PRKAR1B: variants seen among roughly 807,000 people sequenced by gnomAD.
PRKAR1B encodes the protein cAMP-dependent protein kinase type I-beta regulatory subunit.
In PRKAR1B, 22 loss-of-function variants were observed where a neutral mutation model predicts 46.5. The ratio of observed to expected loss-of-function variants is 0.47; its 90% confidence interval spans 0.34 to 0.68. The LOEUF (loss-of-function observed/expected upper bound fraction) is 0.68. PRKAR1B is among the 30% of genes least tolerant of loss of function. The probability of loss-of-function intolerance (pLI) is 0.01; values close to 1 mark genes in which losing one functional copy is unlikely to be tolerated. For synonymous variants in PRKAR1B, 259 were observed against 217.7 expected, an observed-to-expected ratio of 1.19 and a Z score of -1.67; for missense variants, 445 against 535.6, an observed-to-expected ratio of 0.83 and a Z score of 1.67.
At chr7:710,858 G>A (rs986480978) in intron 2 of PRKAR1B, among the ~76,000 whole-genome samples, 1 of 152,038 alleles carries the variant, frequency 6.6e-6, no homozygotes, top group Admixed American at 6.6e-5. Context: ...TGGCCAGGCT[G>A]GTCTCGAACT....
intron 2 of PRKAR1B, among the ~76,000 whole-genome samples, chr7:704,061 T>C (rs1193596477): frequency 6.6e-6 from 1 of 152,114 alleles, no homozygotes; most frequent in East Asian, 1.9e-4. Context: ...GAAATATAGT[T>C]AGAACAGTGC....
At chr7:617,821 G>A (rs943857167) in intron 4 of PRKAR1B, among the ~76,000 whole-genome samples, 1 of 152,176 alleles carries the variant, frequency 6.6e-6, no homozygotes, top group Non-Finnish European at 1.5e-5. Flanking sequence ...AACCCCTCCT[G>A]GGCCCCGCGT....
intron 2 of PRKAR1B, among the ~76,000 whole-genome samples, chr7:704,639 G>A (rs1271592059): frequency 6.6e-6 from 1 of 152,026 alleles, no homozygotes. Context: ...AGCCAGGCGC[G>A]ATGCCTGTAA....
At chr7:569,501 C>A (rs976975786) in intron 9 of PRKAR1B, among the ~76,000 whole-genome samples, 4 of 152,268 alleles carry the variant, frequency 2.6e-5, no homozygotes, top group Non-Finnish European at 5.9e-5. Context: ...GCCCGGGACA[C>A]AGCCCGTTGT....
chr7:604,571 C>T (rs181923397), intron 6 of PRKAR1B, among the ~76,000 whole-genome samples: 3 of 152,340 alleles, frequency 2.0e-5, no homozygotes, highest in East Asian at 1.9e-4. Context: ...GCCCGAGGCA[C>T]GTGCCCCCCA....
At chr7:562,195 G>T (rs1378218972) in intron 9 of PRKAR1B, among the ~76,000 whole-genome samples, 2 of 150,858 alleles carry the variant, frequency 1.3e-5, no homozygotes, top group African/African-American at 4.9e-5. Context: ...AGGTTCCGGG[G>T]AACCAGGGCG....
At chr7:583,658 G>C (rs1780414410) in intron 8 of PRKAR1B, among the ~76,000 whole-genome samples, 1 of 119,260 alleles carries the variant, frequency 8.4e-6, no homozygotes, top group African/African-American at 3.6e-5. Flanking sequence ...GCACACCCAT[G>C]CGCACACACC....
chr7:717,011 C>G (rs1229718077), intron 1 of PRKAR1B, among the ~76,000 whole-genome samples: 1 of 152,164 alleles, frequency 6.6e-6, no homozygotes, highest in Non-Finnish European at 1.5e-5. Flanking sequence ...TATTCTCCAG[C>G]CGGGCGCAGT....
At chr7:580,278 G>T (rs1583238654) in intron 8 of PRKAR1B, among the ~76,000 whole-genome samples, 1 of 151,576 alleles carries the variant, frequency 6.6e-6, no homozygotes, top group African/African-American at 2.4e-5. Context: ...AACTGGCCGG[G>T]TGCAGTGGCT....
At chr7:577,144 G>A (rs1200693801) in intron 9 of PRKAR1B, among the ~76,000 whole-genome samples, 1 of 152,130 alleles carries the variant, frequency 6.6e-6, no homozygotes, top group African/African-American at 2.4e-5. Context: ...AACTCCATCA[G>A]CGGCCCCAGC....
intron 1 of PRKAR1B, chr7:726,905 C>G: frequency 7.4e-7 from 1 of 1,345,940 alleles, no homozygotes; most frequent in Non-Finnish European, 9.5e-7. Flanking sequence ...GAGCCAGGCC[C>G]TGCCGCCGAC....
chr7:606,155 G>A, intron 6 of PRKAR1B, 38 bp downstream of exon 6: 5 of 1,609,972 alleles, frequency 3.1e-6, no homozygotes, highest in Non-Finnish European at 4.3e-6. Context: ...GACATGCAAA[G>A]ACGCGCTATT....
chr7:553,219 T>C (rs767374918), intron 9 of PRKAR1B, among the ~76,000 whole-genome samples: 19 of 152,316 alleles, frequency 1.2e-4, no homozygotes, highest in Non-Finnish European at 2.5e-4. Flanking sequence ...GAAGACACAC[T>C]AGAGAAGCTT....
chr7:595,689 C>T (rs547205468), intron 7 of PRKAR1B, among the ~76,000 whole-genome samples: 20 of 152,306 alleles, frequency 1.3e-4, no homozygotes, highest in Admixed American at 3.3e-4. Flanking sequence ...GTACAGGGTA[C>T]GTGGCTCAGA....
chr7:672,293 G>T (rs950932590), intron 4 of PRKAR1B, among the ~76,000 whole-genome samples: 8 of 152,016 alleles, frequency 5.3e-5, no homozygotes, highest in African/African-American at 1.9e-4. Flanking sequence ...TGGGATTACA[G>T]GCATGCGCAA....
intron 9 of PRKAR1B, among the ~76,000 whole-genome samples, chr7:569,570 C>T (rs1779380392): frequency 6.6e-6 from 1 of 152,182 alleles, no homozygotes; most frequent in African/African-American, 2.4e-5. Context: ...TGCAGCCCCT[C>T]CCCTGCTCCT....
chr7:639,979 A>T (rs2128484338), intron 4 of PRKAR1B, among the ~76,000 whole-genome samples: 1 of 152,094 alleles, frequency 6.6e-6, no homozygotes, highest in East Asian at 1.9e-4. Context: ...CCTGGCCAAC[A>T]TGGTGAAACC....
At chr7:555,912 G>C (rs1001883979) in intron 9 of PRKAR1B, among the ~76,000 whole-genome samples, 1 of 152,192 alleles carries the variant, frequency 6.6e-6, no homozygotes, top group Non-Finnish European at 1.5e-5. Flanking sequence ...GCGTGGGCTT[G>C]CATCCAGGCC....
rs150662951 is a variant in PRKAR1B, at chr7:726,577, G to GACGAT, written c.-23+632_-23+633insATCGT. ...ACAGAGGGGGACAGCGGGCGAGCAC[G>GACGAT]ACAAGAGCACAGGCCCACGTGCGCA... On this transcript the variant is annotated intron_variant, in intron 1 of 10. Coordinates refer to ENST00000537384, the MANE Select transcript of PRKAR1B (RefSeq NM_001164760.2). 212,175 of 586,822 alleles carry GACGAT rather than the reference G, an allele frequency of 0.36. 39,273 individuals are homozygous for GACGAT. The highest frequency in any genetic ancestry group is 0.5 in the South Asian group (5,560 of 11,118). 36.4% of individuals were successfully genotyped at this position (586,822 alleles called of 1,614,324 possible). A position where few individuals can be genotyped will look rare whatever the true frequency, so the allele number is the denominator to read the frequency against.
Sources: gnomAD v4.1 joint callset for allele counts (sites outside exome capture counted in the v4.1 genomes callset) on GRCh38, gnomAD v4.1.1 for gene constraint, MANE v1.5 for transcripts, NCBI Gene and HGNC (gene_info 2026-07-23, HGNC 2026-07-21) for gene names.